Variants in DLGAP2 observed in about 807,000 individuals in gnomAD.
The protein encoded by DLGAP2 is DLG associated protein 2, also known as disks large-associated protein 2.
DLGAP2 carries 26 observed loss-of-function variants against 100.3 expected under a neutral mutation model. That is an observed-to-expected ratio of 0.26 (90% CI 0.19 to 0.36). The LOEUF (loss-of-function observed/expected upper bound fraction) is 0.36, where lower values mean the gene tolerates loss of function less well. DLGAP2 is among the 10% of genes least tolerant of loss of function. The pLI is 1.00. For missense variants in DLGAP2, 1,858 were observed against 1,453.2 expected, an observed-to-expected ratio of 1.28 and a Z score of -4.53; for synonymous variants, 886 against 630.1, an observed-to-expected ratio of 1.41 and a Z score of -6.08.
At chr8:1,547,243 C>T (rs954041416) in intron 4 of DLGAP2, among the ~76,000 whole-genome samples, 7 of 152,126 alleles carry the variant, frequency 4.6e-5, no homozygotes, top group South Asian at 2.1e-4. Flanking sequence ...GGCACTGCTG[C>T]GGGATGGCCC....
intron 2 of DLGAP2, among the ~76,000 whole-genome samples, chr8:1,008,134 C>A (rs887328224): frequency 6.6e-6 from 1 of 152,080 alleles, no homozygotes; most frequent in East Asian, 1.9e-4. Flanking sequence ...ATCTACCTTC[C>A]CATTTGGACA....
At chr8:1,290,209 TG>T (rs1195008779) in intron 3 of DLGAP2, among the ~76,000 whole-genome samples, 6 of 152,102 alleles carry the variant, frequency 3.9e-5, no homozygotes, top group African/African-American at 1.4e-4. Flanking sequence ...TCGAACAAAA[TG>T]AAGACAGGGA....
intron 2 of DLGAP2, among the ~76,000 whole-genome samples, chr8:1,106,781 T>C (rs549968798): frequency 2.0e-5 from 3 of 151,544 alleles, no homozygotes; most frequent in Non-Finnish European, 4.4e-5. Context: ...GGGTTTTCTA[T>C]TGAAGGGAGC....
chr8:1,252,362 G>A (rs1173464062), intron 2 of DLGAP2, among the ~76,000 whole-genome samples: 1 of 143,974 alleles, frequency 6.9e-6, no homozygotes, highest in Admixed American at 6.9e-5. Context: ...TGTCACACTT[G>A]CCACACTGTG....
chr8:1,479,975 C>T (rs1199436016), intron 3 of DLGAP2, among the ~76,000 whole-genome samples: 1 of 152,168 alleles, frequency 6.6e-6, no homozygotes, highest in African/African-American at 2.4e-5. Context: ...GAGCTCCAGT[C>T]CCTGTGATAA....
intron 5 of DLGAP2, among the ~76,000 whole-genome samples, chr8:1,564,739 G>A (rs1802327330): frequency 6.6e-6 from 1 of 152,190 alleles, no homozygotes; most frequent in South Asian, 2.1e-4. Flanking sequence ...TCTGCACCAG[G>A]CAGACACATA....
At chr8:1,434,356 C>A (rs1029072184) in intron 3 of DLGAP2, among the ~76,000 whole-genome samples, 1 of 152,158 alleles carries the variant, frequency 6.6e-6, no homozygotes. Context: ...AGTAGCCTCA[C>A]GTGCAGACAG....
chr8:1,431,829 G>A (rs1322810935), intron 3 of DLGAP2, among the ~76,000 whole-genome samples: 1 of 152,118 alleles, frequency 6.6e-6, no homozygotes, highest in African/African-American at 2.4e-5. Context: ...TGATGCCTCC[G>A]TGTCGATGGC....
intron 4 of DLGAP2, among the ~76,000 whole-genome samples, chr8:1,522,187 C>T (rs1245672834): frequency 2.0e-5 from 3 of 152,328 alleles, no homozygotes; most frequent in South Asian, 2.1e-4. Context: ...GTGTCCTCTT[C>T]GGTGGGGTCC....
Position 1,249,985 on chromosome 8 carries a change from A to G in DLGAP2, c.74-8866A>G, listed in dbSNP as rs192245169. The stretch of plus-strand genomic sequence containing the variant: ...AACCTCTGCCTCCCAGGTTCAAGTG[A>G]TTGTTCTGCCTCAGCCTCCCGAGTA... On this transcript the variant is annotated intron_variant, in intron 2 of 14. Coordinates refer to ENST00000637795, the MANE Select transcript of DLGAP2 (RefSeq NM_001346810.2). 7.3e-3 allele frequency among the ~76,000 whole-genome samples: 1,106 copies of G among 152,138 alleles called. 11 individuals carry two copies. The highest frequency in any genetic ancestry group is 0.025 in the African/African-American group (1,053 of 41,494).
Position 1,332,323 on chromosome 8 carries a change from C to T in DLGAP2, c.106+73440C>T, listed in dbSNP as rs147774075. Among the ~76,000 whole-genome samples the T allele has an allele frequency of 1.8e-3, 273 of 151,784 alleles. 4 individuals are homozygous for T. The highest frequency in any genetic ancestry group is 0.014 in the South Asian group (65 of 4,782). ...GTGTCAGTGTGTGTGTGTCTGTATG[C>T]GAGGGTATATGCATGTATTGTGTGT... On this transcript the variant is annotated intron_variant, in intron 3 of 14. Coordinates refer to ENST00000637795, the MANE Select transcript of DLGAP2 (RefSeq NM_001346810.2).
intron 8 of DLGAP2, among the ~76,000 whole-genome samples, chr8:1,646,510 C>T (rs1798044172): frequency 6.6e-6 from 1 of 152,194 alleles, no homozygotes; most frequent in African/African-American, 2.4e-5. Flanking sequence ...ATATCATACC[C>T]TTAAAGGGTA....
At chr8:1,025,591 G>C (rs1017757153) in intron 2 of DLGAP2, among the ~76,000 whole-genome samples, 3 of 152,160 alleles carry the variant, frequency 2.0e-5, no homozygotes, top group Non-Finnish European at 4.4e-5. Context: ...GAATTCTGCC[G>C]CTCGGTGAGG....
chr8:1,321,769 A>G (rs185809254), intron 3 of DLGAP2, among the ~76,000 whole-genome samples: 23 of 152,338 alleles, frequency 1.5e-4, no homozygotes, highest in Admixed American at 1.5e-3. Flanking sequence ...TTAGAATTCT[A>G]AAGGGGAAAA....
In DLGAP2 at chr8:1,340,839, C is replaced by T. The variant is rs1017279684; in HGVS notation, c.106+81956C>T. On this transcript the variant is annotated intron_variant, in intron 3 of 14. Coordinates refer to ENST00000637795, the MANE Select transcript of DLGAP2 (RefSeq NM_001346810.2). ...CAGAGACGTGGAATCAACCTAAATG[C>T]CATCAATGGTAGATTGGATAAAGAA... Among the ~76,000 whole-genome samples, 16 of 152,224 alleles carry T rather than the reference C, an allele frequency of 1.1e-4. No homozygotes were observed. In the South Asian group the frequency reaches 1.7e-3, roughly 16 times the overall value.
intron 2 of DLGAP2, among the ~76,000 whole-genome samples, chr8:1,037,308 C>T (rs1188636340): frequency 1.3e-5 from 2 of 152,124 alleles, no homozygotes; most frequent in African/African-American, 4.8e-5. Flanking sequence ...TCTGGCTCAA[C>T]CTGAAGGACA....
intron 8 of DLGAP2, among the ~76,000 whole-genome samples, chr8:1,633,396 C>A (rs538773183): frequency 6.6e-6 from 1 of 152,114 alleles, no homozygotes; most frequent in Admixed American, 6.5e-5. Context: ...GAGATTTCTG[C>A]TGATGCGCAG....
intron 4 of DLGAP2, among the ~76,000 whole-genome samples, chr8:1,536,572 G>A (rs1192406899): frequency 6.6e-6 from 1 of 152,156 alleles, no homozygotes; most frequent in African/African-American, 2.4e-5. Context: ...TTGTGCTTCT[G>A]CGAAAGTGTA....
intron 9 of DLGAP2, among the ~76,000 whole-genome samples, chr8:1,669,538 C>T (rs945688173): frequency 8.5e-5 from 13 of 152,216 alleles, no homozygotes; most frequent in Non-Finnish European, 1.6e-4. Context: ...CCCCTTCATT[C>T]AGCCTGCGTT....
Sources: allele counts gnomAD v4.1 joint callset (sites outside exome capture counted in the v4.1 genomes callset), GRCh38; gene constraint gnomAD v4.1.1; transcripts MANE v1.5; gene names NCBI Gene and HGNC (gene_info 2026-07-23, HGNC 2026-07-21).